The following VWA5B1 variants were observed in gnomAD, a reference collection of about 807,000 sequenced individuals.
VWA5B1 encodes the protein von Willebrand factor A domain-containing protein 5B1.
In VWA5B1, 115 loss-of-function variants were observed where a neutral mutation model predicts 118.2. That is an observed-to-expected ratio of 0.97 (90% CI 0.84 to 1.14). The LOEUF (loss-of-function observed/expected upper bound fraction) is 1.14, where lower values mean the gene tolerates loss of function less well. Ranked by LOEUF, VWA5B1 falls within the 50% of genes most tolerant of loss-of-function variation. The probability of loss-of-function intolerance (pLI) is 0.00; values close to 1 mark genes in which losing one functional copy is unlikely to be tolerated. For missense variants in VWA5B1, 1,596 were observed against 1,603.8 expected, an observed-to-expected ratio of 1.00 and a Z score of 0.08; for synonymous variants, 682 against 658.4, an observed-to-expected ratio of 1.04 and a Z score of -0.55.
chr1:20,294,861 T>G (rs1394119789), intron 1 of VWA5B1, among the ~76,000 whole-genome samples: 2 of 152,244 alleles, frequency 1.3e-5, no homozygotes, highest in Non-Finnish European at 2.9e-5. Flanking sequence ...AATGCTGGAA[T>G]TACAGGCGTG....
Position 20,350,186 on chromosome 1 carries a change from G to A in VWA5B1, c.2909G>A (p.Ser970Asn). 1 of 1,551,206 alleles carries A rather than the reference G, an allele frequency of 6.4e-7. No homozygotes were observed. The highest frequency in any genetic ancestry group is 8.7e-7 in the Non-Finnish European group (1 of 1,146,976). Residue 970 changes from serine to asparagine, a missense_variant, in exon 19 of 22, where the codon AGC becomes AAC. By Grantham distance (46) the Ser-to-Asn change is conservative. Transcript: ENST00000289815. ...GAGGCAAGTCCCACTGCTCTCTTCA[G>A]CGAGGCCAGGTCCCCCGGCCGCGAG... The part of the protein sequence containing the change: ...DMEASPTALF[S>N]EARSPGREKH...
At chr1:20,345,679 C>T in intron 17 of VWA5B1, 86 bp downstream of exon 17, 1 of 1,445,936 alleles carries the variant, frequency 6.9e-7, no homozygotes, top group East Asian at 2.5e-5. Flanking sequence ...CAAAGGACCA[C>T]AGACCAGCAG....
intron 3 of VWA5B1, 140 bp from the exon 4 acceptor site, chr1:20,314,182 C>T (rs888514948): frequency 4.6e-6 from 4 of 867,096 alleles, no homozygotes; most frequent in African/African-American, 3.4e-5. Context: ...CAATGGCTTA[C>T]TTATTCACAA....
intron 1 of VWA5B1, among the ~76,000 whole-genome samples, chr1:20,299,868 G>A (rs1286265714): frequency 6.6e-6 from 1 of 152,236 alleles, no homozygotes; most frequent in Non-Finnish European, 1.5e-5. Flanking sequence ...CTCCTAGAAA[G>A]CACAGCAAAA....
At position 20,352,085 on chromosome 1, in the gene VWA5B1, G is replaced by A. The variant is rs747952013; in HGVS notation, c.3054G>A (p.Thr1018=). 7.0e-5 allele frequency: 109 copies of A among 1,551,180 alleles called. No homozygotes were observed. Among genetic ancestry groups the A allele is most frequent in the South Asian group, 1.3e-4 (11 of 84,066 alleles). Residue 1018 remains threonine, a synonymous_variant, in exon 21 of 22, where the codon ACG becomes ACA. Coordinates refer to ENST00000289815, the MANE Select transcript of VWA5B1 (RefSeq NM_001039500.3). ...WLNLNKSRLL[T]RAAKGFLSKP... is the part of the protein sequence containing the mutation. ...ATCTCAACAAGTCCAGGCTACTGAC[G>A]CGAGCAGCCAAGGGCTTCCTGAGCA...
intron 21 of VWA5B1, 56 bp from the exon 22 acceptor site, chr1:20,353,701 A>G (rs2101029613): frequency 3.5e-6 from 5 of 1,440,506 alleles, no homozygotes; most frequent in Admixed American, 5.8e-5. Context: ...TGCATGGCCT[A>G]TGGCTCCCTG....
chr1:20,351,420 G>A (rs2090127221), intron 20 of VWA5B1, among the ~76,000 whole-genome samples: 2 of 152,172 alleles, frequency 1.3e-5, no homozygotes, highest in South Asian at 2.1e-4. Context: ...TTGGGAGGCC[G>A]AGATGGGCAG....
At chr1:20,293,256 C>G (rs1302706085) in intron 1 of VWA5B1, among the ~76,000 whole-genome samples, 1 of 150,560 alleles carries the variant, frequency 6.6e-6, no homozygotes, top group Non-Finnish European at 1.5e-5. Flanking sequence ...CTCATTGCGG[C>G]TTTGCTCCAG....
At chr1:20,303,750 A>G (rs1570053822) in intron 1 of VWA5B1, among the ~76,000 whole-genome samples, 1 of 152,252 alleles carries the variant, frequency 6.6e-6, no homozygotes, top group South Asian at 2.1e-4. Context: ...ATCCCCCAGC[A>G]AGAGGGGCAT....
At chr1:20,333,039 G>T (rs2089617694) in intron 12 of VWA5B1, 88 bp downstream of exon 12, 2 of 1,444,752 alleles carry the variant, frequency 1.4e-6, no homozygotes, top group South Asian at 2.8e-5. Context: ...ATTTGTGACA[G>T]CTAGAAACCA....
chr1:20,333,982 C>T (rs1375136451), intron 12 of VWA5B1, among the ~76,000 whole-genome samples: 4 of 152,168 alleles, frequency 2.6e-5, no homozygotes, highest in Non-Finnish European at 5.9e-5. Flanking sequence ...TAGCAGTTAC[C>T]ACTGAGCTCA....
In VWA5B1 at chr1:20,357,800, G is replaced by A. The variant is rs181449519; in HGVS notation, c.*3537G>A. ...TTAGCACTACCTAGGTACCCTTTGC[G>A]CTAACGGCCAGCCCCCTGAGCTTTC... On this transcript the variant is annotated 3_prime_UTR_variant, in exon 22 of 22. Transcript: ENST00000289815. Among the ~76,000 whole-genome samples, 61 of 152,278 alleles carry A rather than the reference G, an allele frequency of 4.0e-4. No homozygotes were observed. The highest frequency in any genetic ancestry group is 1.4e-3 in the African/African-American group (58 of 41,546).
intron 18 of VWA5B1, 118 bp downstream of exon 18, chr1:20,348,476 G>T: frequency 9.2e-7 from 1 of 1,089,148 alleles, no homozygotes; most frequent in Non-Finnish European, 1.4e-6. Context: ...TGCACTGTGG[G>T]CTTAGGCAGG....
chr1:20,293,585 G>A (rs771336442), intron 1 of VWA5B1, among the ~76,000 whole-genome samples: 3 of 152,168 alleles, frequency 2.0e-5, no homozygotes, highest in South Asian at 2.1e-4. Context: ...TCTCACAGGC[G>A]TCCTTACTCC....
chr1:20,326,209 C>G (rs1352714599), intron 8 of VWA5B1, among the ~76,000 whole-genome samples: 1 of 152,026 alleles, frequency 6.6e-6, no homozygotes, highest in African/African-American at 2.4e-5. Flanking sequence ...TTAATGTTTG[C>G]AGGGTGGGGG....
chr1:20,299,920 C>T (rs2088475100), intron 1 of VWA5B1, among the ~76,000 whole-genome samples: 1 of 152,196 alleles, frequency 6.6e-6, no homozygotes, highest in Non-Finnish European at 1.5e-5. Flanking sequence ...GGGTTTGCCG[C>T]AGTTGGTGTG....
Position 20,355,896 on chromosome 1 carries a change from G to A in VWA5B1, c.*1633G>A, listed in dbSNP as rs373772915. Among the ~76,000 whole-genome samples the A allele has an allele frequency of 6.6e-6, 1 of 151,594 alleles. No individual in the cohort carries two copies. The highest frequency in any genetic ancestry group is 2.4e-5 in the African/African-American group (1 of 41,242). On this transcript the variant is annotated 3_prime_UTR_variant, in exon 22 of 22. Transcript: ENST00000289815. ...GATGAAATCCCATTGCTGCCTTGTG[G>A]ACTGGCTCTGCTTCAGACTTACCCT...
intron 1 of VWA5B1, 96 bp from the exon 2 acceptor site, chr1:20,310,479 AT>A: frequency 8.4e-7 from 1 of 1,191,232 alleles, no homozygotes; most frequent in Non-Finnish European, 1.1e-6. Flanking sequence ...GAAAACAATG[AT>A]GCTCTGATTG....
intron 7 of VWA5B1, among the ~76,000 whole-genome samples, chr1:20,321,084 A>C (rs569532025): frequency 2.0e-5 from 3 of 148,592 alleles, no homozygotes; most frequent in African/African-American, 7.5e-5. Flanking sequence ...ACCACGCGTG[A>C]GACACAGAGA....
Sources: allele counts gnomAD v4.1 joint callset (sites outside exome capture counted in the v4.1 genomes callset), GRCh38; gene constraint gnomAD v4.1.1; transcripts MANE v1.5; gene names NCBI Gene and HGNC (gene_info 2026-07-23, HGNC 2026-07-21).